The following SUMF1 variants were observed in gnomAD, a reference collection of about 807,000 sequenced individuals.
SUMF1 encodes formylglycine-generating enzyme.
In SUMF1, 48 loss-of-function variants were observed where a neutral mutation model predicts 47.6. That is an observed-to-expected ratio of 1.01 (90% CI 0.80 to 1.28). The LOEUF (loss-of-function observed/expected upper bound fraction) is 1.28. Among genes scored for constraint, SUMF1 ranks in the 50% most tolerant of loss-of-function variants. SUMF1 has a pLI of 0.00. For missense variants in SUMF1, 571 were observed against 485.4 expected (o/e 1.18, Z -1.66); for synonymous variants, 230 against 192.1 (o/e 1.20, Z -1.63).
chr3:4,465,374 C>G (rs997909098), intron 1 of SUMF1, among the ~76,000 whole-genome samples: 4 of 151,640 alleles, frequency 2.6e-5, no homozygotes, highest in African/African-American at 7.3e-5. Context: ...ACTTGGGAGG[C>G]TGAGGCAGGA....
intron 8 of SUMF1, among the ~76,000 whole-genome samples, chr3:4,284,711 G>A (rs910801703): frequency 3.3e-5 from 5 of 151,330 alleles, no homozygotes; most frequent in Non-Finnish European, 5.9e-5. Context: ...ATCAGGAAAG[G>A]CAAAAAAACT....
At chr3:4,176,605 C>A (rs1204584828) in intron 8 of SUMF1, among the ~76,000 whole-genome samples, 2 of 152,126 alleles carry the variant, frequency 1.3e-5, no homozygotes, top group African/African-American at 2.4e-5. Flanking sequence ...TAAAGACCAT[C>A]GATGATAGAA....
intron 8 of SUMF1, among the ~76,000 whole-genome samples, chr3:4,345,804 G>C (rs1699361545): frequency 6.6e-6 from 1 of 152,000 alleles, no homozygotes; most frequent in African/African-American, 2.4e-5. Context: ...TACATGCAAA[G>C]ACACACATAG....
At chr3:4,280,496 A>G (rs1000004641) in intron 8 of SUMF1, among the ~76,000 whole-genome samples, 2 of 151,522 alleles carry the variant, frequency 1.3e-5, no homozygotes, top group Admixed American at 6.6e-5. Context: ...TAATAGAGGA[A>G]AAAAAAAACA....
chr3:4,369,148 C>G (rs555897189), intron 8 of SUMF1, among the ~76,000 whole-genome samples: 1 of 151,730 alleles, frequency 6.6e-6, no homozygotes, highest in Non-Finnish European at 1.5e-5. Flanking sequence ...TTCTTTAGAG[C>G]ACTTCTACTG....
chr3:4,093,166 G>T (rs1692824152), intron 8 of SUMF1, among the ~76,000 whole-genome samples: 2 of 152,096 alleles, frequency 1.3e-5, no homozygotes, highest in Non-Finnish European at 2.9e-5. Flanking sequence ...ATTTAGAATG[G>T]CTAGCTCAGG....
At chr3:4,205,369 C>T (rs1695628483) in intron 8 of SUMF1, among the ~76,000 whole-genome samples, 1 of 152,198 alleles carries the variant, frequency 6.6e-6, no homozygotes, top group Admixed American at 6.5e-5. Flanking sequence ...AGCCCGCCTG[C>T]ACCCAGGTGA....
At chr3:4,238,920 A>G (rs1696474359) in intron 8 of SUMF1, among the ~76,000 whole-genome samples, 1 of 152,176 alleles carries the variant, frequency 6.6e-6, no homozygotes, top group African/African-American at 2.4e-5. Flanking sequence ...CTTACACTTA[A>G]GCCTTTAATC....
At chr3:4,304,739 T>C (rs907885507) in intron 8 of SUMF1, among the ~76,000 whole-genome samples, 1 of 152,180 alleles carries the variant, frequency 6.6e-6, no homozygotes, top group Non-Finnish European at 1.5e-5. Flanking sequence ...ATAGCAGCTT[T>C]CAAAGATGTC....
At chr3:4,400,771 C>T (rs1455825405) in intron 7 of SUMF1, among the ~76,000 whole-genome samples, 18 of 152,088 alleles carry the variant, frequency 1.2e-4, no homozygotes, top group Admixed American at 1.1e-3. Flanking sequence ...ACCCCCTGGC[C>T]CCAAGATAGC....
At chr3:4,431,500 C>T (rs1702231012) in intron 3 of SUMF1, among the ~76,000 whole-genome samples, 1 of 152,234 alleles carries the variant, frequency 6.6e-6, no homozygotes, top group Admixed American at 6.5e-5. Context: ...TGGGGGACCA[C>T]CCCCATGTCC....
intron 8 of SUMF1, among the ~76,000 whole-genome samples, chr3:4,295,149 G>A (rs573644546): frequency 3.3e-4 from 50 of 152,042 alleles, no homozygotes; most frequent in African/African-American, 1.2e-3. Context: ...TTGGTTTTTC[G>A]TTTCCATGGT....
chr3:4,133,932 G>A lies in SUMF1; in HGVS notation c.1015-65187C>T, dbSNP rs142965527. On this transcript the variant is annotated intron_variant and NMD_transcript_variant, in intron 8 of 12. Transcript: ENST00000448413. ...CATTAAAATTGGGATGGGAACACAC[G>A]GGCAGACTGACGAATCTGGGGATAC... 1.1e-3 allele frequency among the ~76,000 whole-genome samples: 170 copies of A among 152,052 alleles called. 1 individual carries two copies. The highest frequency in any genetic ancestry group is 6.2e-3 in the Admixed American group (94 of 15,266).
At chr3:4,447,411 T>C (rs1370270457) in intron 3 of SUMF1, among the ~76,000 whole-genome samples, 1 of 152,196 alleles carries the variant, frequency 6.6e-6, no homozygotes, top group Non-Finnish European at 1.5e-5. Context: ...TCTTTCTTTC[T>C]AACTTAATCA....
intron 7 of SUMF1, among the ~76,000 whole-genome samples, chr3:4,404,237 C>T (rs758208881): frequency 3.5e-4 from 53 of 152,188 alleles, no homozygotes; most frequent in Non-Finnish European, 6.2e-4. Context: ...CATTCATCTT[C>T]CACTAGGGAG....
At chr3:4,289,695 C>T (rs542674554) in intron 8 of SUMF1, among the ~76,000 whole-genome samples, 1 of 152,240 alleles carries the variant, frequency 6.6e-6, no homozygotes, top group Non-Finnish European at 1.5e-5. Flanking sequence ...AACCCATTTT[C>T]TTTGTTGCTA....
intron 9 of SUMF1, among the ~76,000 whole-genome samples, chr3:4,043,301 C>A (rs528118455): frequency 6.6e-6 from 1 of 152,148 alleles, no homozygotes; most frequent in Non-Finnish European, 1.5e-5. Context: ...GCCCTGCCCA[C>A]ACATCTCTAA....
chr3:4,381,585 T>G (rs1225176611), intron 7 of SUMF1, among the ~76,000 whole-genome samples: 1 of 152,240 alleles, frequency 6.6e-6, no homozygotes, highest in Non-Finnish European at 1.5e-5. Flanking sequence ...CTTCTGTATG[T>G]GTACACTTTA....
chr3:4,073,194 G>T (rs1418037938), intron 8 of SUMF1, among the ~76,000 whole-genome samples: 1 of 152,172 alleles, frequency 6.6e-6, no homozygotes. Flanking sequence ...CATTCTTAAA[G>T]AAAAGAATTT....
Sources: allele counts gnomAD v4.1 joint callset (sites outside exome capture counted in the v4.1 genomes callset), GRCh38; gene constraint gnomAD v4.1.1; transcripts MANE v1.5; gene names NCBI Gene and HGNC (gene_info 2026-07-23, HGNC 2026-07-21).